The following TXLNB variants were observed in gnomAD, a reference collection of about 807,000 sequenced individuals.
TXLNB encodes taxilin beta.
A neutral mutation model predicts 57.4 loss-of-function variants in TXLNB; 37 were observed. The ratio of observed to expected loss-of-function variants is 0.64; its 90% CI spans 0.50 to 0.85. The LOEUF (loss-of-function observed/expected upper bound fraction) is 0.85. Ranked by LOEUF, TXLNB falls within the 40% of genes least tolerant of loss-of-function variation. The pLI is 0.00. For synonymous variants in TXLNB, 302 were observed against 309.6 expected, an observed-to-expected ratio of 0.98 and a Z score of 0.26; for missense variants, 848 against 825.6, an observed-to-expected ratio of 1.03 and a Z score of -0.33.
the TXLNB span, among the ~76,000 whole-genome samples, chr6:139,214,124 T>C: frequency 6.6e-6 from 1 of 152,114 alleles, no homozygotes; most frequent in Admixed American, 6.5e-5. Context: ...CCTAACTCAT[T>C]TTATGAGGCC....
the TXLNB span, among the ~76,000 whole-genome samples, chr6:139,206,392 G>T: frequency 6.6e-6 from 1 of 152,138 alleles, no homozygotes; most frequent in Non-Finnish European, 1.5e-5. Context: ...ATGGGTCAGG[G>T]GCATGGTGGC....
the TXLNB span, among the ~76,000 whole-genome samples, chr6:139,197,054 G>A: frequency 1.1e-4 from 17 of 152,158 alleles, 1 homozygote; most frequent in South Asian, 3.5e-3. Flanking sequence ...CAGCTTTGGG[G>A]GTGGGGGGTT....
At chr6:139,304,731 A>AT in the TXLNB span, among the ~76,000 whole-genome samples, 2 of 152,236 alleles carry the variant, frequency 1.3e-5, no homozygotes, top group African/African-American at 4.8e-5. Flanking sequence ...TCCAGCCTTT[A>AT]ATGAAGCCAA....
chr6:139,262,765 C>A lies in TXLNB; in HGVS notation c.696G>T (p.Ala232=), dbSNP rs143407572. ...QRHNKTLKEE[A]LQRAREEEEK... ...CTTCTTCCTCACGTGCCCGCTGAAG[C>A]GCCTCTTCCTGCGGATAAAAAGCAA... The change falls in exon 5 of 10, where the codon GCG becomes GCT. Residue 232 remains alanine, a synonymous_variant. Coordinates refer to ENST00000358430, the MANE Select transcript of TXLNB (RefSeq NM_153235.4). The A allele has an allele frequency of 6.2e-6, 10 of 1,612,468 alleles. No individual in the cohort carries two copies. The highest frequency in any genetic ancestry group is 2.5e-6 in the Non-Finnish European group (3 of 1,179,546).
At chr6:139,162,957 G>A in the TXLNB span, among the ~76,000 whole-genome samples, 3 of 152,174 alleles carry the variant, frequency 2.0e-5, no homozygotes, top group African/African-American at 7.2e-5. Context: ...CTGCCCTACA[G>A]TTACCCTCTG....
chr6:139,187,644 C>G, the TXLNB span, among the ~76,000 whole-genome samples: 2 of 152,106 alleles, frequency 1.3e-5, no homozygotes, highest in Admixed American at 6.6e-5. Context: ...TTGGTAAGTA[C>G]AGAACTCTGC....
the TXLNB span, among the ~76,000 whole-genome samples, chr6:139,215,125 T>C: frequency 6.6e-6 from 1 of 150,830 alleles, no homozygotes; most frequent in African/African-American, 2.4e-5. Flanking sequence ...TGGAAAAAAC[T>C]ACTTTAAAGT....
chr6:139,198,962 T>C, the TXLNB span, among the ~76,000 whole-genome samples: 1 of 149,584 alleles, frequency 6.7e-6, no homozygotes, highest in Non-Finnish European at 1.5e-5. Flanking sequence ...GCCATCTGTT[T>C]CTTTCTTCCT....
chr6:139,283,651 A>G lies in TXLNB; in HGVS notation c.424+4825T>C, dbSNP rs892917318. On this transcript the variant is annotated intron_variant, in intron 2 of 9. Transcript: ENST00000358430. ...TTTGGAAATGATGGAAACTATGCCC[A>G]TCACTATTTTAGATCTTCATTGTGT... is the stretch of plus-strand genomic sequence containing the variant. Among the ~76,000 whole-genome samples the G allele has an allele frequency of 1.4e-5, 2 of 145,360 alleles. 1 individual carries two copies. Among genetic ancestry groups the G allele is most frequent in the Non-Finnish European group, 3.1e-5 (2 of 65,406 alleles).
chr6:139,286,277 T>C (rs568651199), intron 2 of TXLNB, among the ~76,000 whole-genome samples: 1 of 150,238 alleles, frequency 6.7e-6, no homozygotes, highest in East Asian at 1.9e-4. Context: ...TGTCAAGGTC[T>C]GGTCTAGGTT....
intron 2 of TXLNB, among the ~76,000 whole-genome samples, chr6:139,281,641 C>T (rs1166274363): frequency 9.5e-6 from 1 of 105,712 alleles, no homozygotes; most frequent in Admixed American, 8.4e-5. Flanking sequence ...CTCCGCCTCC[C>T]GGGTTCACGC....
At position 139,243,268 on chromosome 6, in the gene TXLNB, C is replaced by T. The variant is rs868845065; in HGVS notation, c.1313G>A (p.Gly438Glu). The change falls in exon 10 of 10, where the codon GGG becomes GAG. Residue 438 changes from glycine (G) to glutamate (E), a missense_variant. By Grantham distance (98) the Gly-to-Glu change is moderately conservative (BLOSUM62 -2). Coordinates refer to ENST00000358430, the MANE Select transcript of TXLNB (RefSeq NM_153235.4). ...KEYECFVMKIGRLENLCRALQ... is the reference protein window; with the variant it reads ...KEYECFVMKIERLENLCRALQ... ...AGCACGGCAGAGGTTCTCTAGCCTC[C>T]CGATTTTCATCACAAAGCACTCATA... 1 of 1,613,236 alleles carries T rather than the reference C, an allele frequency of 6.2e-7. No individual in the cohort carries two copies. The highest frequency in any genetic ancestry group is 1.7e-5 in the Admixed American group (1 of 59,972).
At chr6:139,195,043 A>T in the TXLNB span, among the ~76,000 whole-genome samples, 1 of 152,216 alleles carries the variant, frequency 6.6e-6, no homozygotes, top group South Asian at 2.1e-4. Flanking sequence ...TGCTAAAATC[A>T]CAGCGTTAGC....
intron 4 of TXLNB, among the ~76,000 whole-genome samples, chr6:139,267,318 A>G (rs2114542894): frequency 6.6e-6 from 1 of 152,302 alleles, no homozygotes; most frequent in Non-Finnish European, 1.5e-5. Context: ...AAAGTATATA[A>G]ATATAATACA....
In TXLNB at chr6:139,273,431, C is replaced by T. The variant is rs138852170; in HGVS notation, c.517-2805G>A. Among the ~76,000 whole-genome samples the T allele has an allele frequency of 3.6e-3, 551 of 152,328 alleles. 7 individuals carry two copies. The highest frequency in any genetic ancestry group is 2.7e-3 in the Non-Finnish European group (183 of 68,032). On this transcript the variant is annotated intron_variant, in intron 3 of 9. Transcript: ENST00000358430. The stretch of plus-strand genomic sequence containing the variant: ...TGGAAAGAGAAATGATTTGTGCTTG[C>T]TCATTTTCCATTTAATGTTTTATTT...
At chr6:139,236,859 C>T (rs1775841782), downstream of TXLNB, among the ~76,000 whole-genome samples, 1 of 152,062 alleles carries the variant, frequency 6.6e-6, no homozygotes, top group Non-Finnish European at 1.5e-5. Flanking sequence ...CTGATCCACC[C>T]ACCTTGGCCT....
chr6:139,256,577 C>T (rs1333584268), intron 6 of TXLNB, among the ~76,000 whole-genome samples: 1 of 152,258 alleles, frequency 6.6e-6, no homozygotes, highest in Non-Finnish European at 1.5e-5. Context: ...ATCTGCCCGC[C>T]TCGGCCTCCC....
chr6:139,227,261 C>T, the TXLNB span, among the ~76,000 whole-genome samples: 4 of 152,012 alleles, frequency 2.6e-5, no homozygotes, highest in South Asian at 2.1e-4. Context: ...ATCGCTAGAA[C>T]CCGAGAGGTG....
chr6:139,235,778 G>A (rs977740967), downstream of TXLNB, among the ~76,000 whole-genome samples: 1 of 152,016 alleles, frequency 6.6e-6, no homozygotes, highest in African/African-American at 2.4e-5. Flanking sequence ...AGACCATCCG[G>A]GCCCGCCACG....
Sources: gnomAD v4.1 joint callset for allele counts (sites outside exome capture counted in the v4.1 genomes callset) on GRCh38, gnomAD v4.1.1 for gene constraint, MANE v1.5 for transcripts, NCBI Gene and HGNC (gene_info 2026-07-23, HGNC 2026-07-21) for gene names.